XPO6: variants seen among roughly 807,000 people sequenced by gnomAD.
XPO6 encodes exportin-6.
A neutral mutation model predicts 130.0 loss-of-function variants in XPO6; 3 were observed. The ratio of observed to expected loss-of-function variants is 0.02; its 90% CI spans 0.01 to 0.06. The LOEUF (loss-of-function observed/expected upper bound fraction) is 0.06. Ranked by LOEUF, XPO6 falls within the 10% of genes least tolerant of loss-of-function variation. The probability of loss-of-function intolerance (pLI) is 1.00; values close to 1 mark genes in which losing one functional copy is unlikely to be tolerated. For missense variants in XPO6, 970 were observed against 1,393.0 expected (o/e 0.70, Z 4.83); for synonymous variants, 524 against 548.9 (o/e 0.95, Z 0.63).
In XPO6 at chr16:28,101,940, G is replaced by A. The variant is rs758103614; in HGVS notation, c.2952C>T (p.Phe984=). ...EPQFSAIMQA[F]GQSFLQPDIH... ...TGTCGGGCTGGAGAAAGGACTGTCC[G>A]AAAGCCTAGGAAATGAGACCACCAT... is the stretch of plus-strand genomic sequence containing the variant. The change falls in exon 22 of 24, where the codon TTC becomes TTT. Residue 984 remains phenylalanine (F), a synonymous_variant. Coordinates refer to ENST00000304658, the MANE Select transcript of XPO6 (RefSeq NM_015171.4). This position sits in a 1 kb window ranked among gnomAD's most constrained non-coding sequence, Gnocchi z 5.4. The A allele has an allele frequency of 2.7e-5, 43 of 1,613,540 alleles. No homozygotes were observed. Among genetic ancestry groups the A allele is most frequent in the East Asian group, 4.5e-5 (2 of 44,888 alleles).
At chr16:28,129,908 C>T (rs1170743301) in intron 12 of XPO6, among the ~76,000 whole-genome samples, 2 of 152,166 alleles carry the variant, frequency 1.3e-5, no homozygotes, top group Non-Finnish European at 2.9e-5. Flanking sequence ...AGAATGGAGG[C>T]TTTGGGGTCA....
intron 11 of XPO6, among the ~76,000 whole-genome samples, chr16:28,133,505 C>A (rs1190158915): frequency 1.3e-5 from 2 of 152,100 alleles, no homozygotes; most frequent in Non-Finnish European, 2.9e-5. Flanking sequence ...TTGCCAAGAG[C>A]GAGCTTTACA....
intron 9 of XPO6, among the ~76,000 whole-genome samples, chr16:28,140,661 A>G: frequency 6.7e-6 from 1 of 149,714 alleles, no homozygotes; most frequent in Non-Finnish European, 1.5e-5. Context: ...CTGGTGACAG[A>G]GTGAGACCCC....
chr16:28,154,312 T>C, intron 7 of XPO6: 2 of 975,812 alleles, frequency 2.0e-6, no homozygotes, highest in Non-Finnish European at 2.4e-6. Context: ...ATCTCAATTT[T>C]ACTTTAGTAT....
At chr16:28,181,843 C>G (rs1184505055) in intron 1 of XPO6, among the ~76,000 whole-genome samples, 1 of 152,162 alleles carries the variant, frequency 6.6e-6, no homozygotes, top group Admixed American at 6.5e-5. Context: ...GAGCCAGACT[C>G]TCAGCAGAAC....
chr16:28,128,435 A>G (rs2042603192), intron 12 of XPO6, among the ~76,000 whole-genome samples: 1 of 152,078 alleles, frequency 6.6e-6, no homozygotes, highest in Non-Finnish European at 1.5e-5. Flanking sequence ...ACCTCCCCCC[A>G]GGCTCTACCC....
chr16:28,104,261 A>G (rs2141232433), intron 21 of XPO6, among the ~76,000 whole-genome samples: 1 of 152,294 alleles, frequency 6.6e-6, no homozygotes, highest in Non-Finnish European at 1.5e-5. Flanking sequence ...ACTTGGGGAA[A>G]CAGCACTATG....
intron 6 of XPO6, among the ~76,000 whole-genome samples, chr16:28,158,842 A>C (rs2043224748): frequency 6.6e-6 from 1 of 152,196 alleles, no homozygotes; most frequent in Non-Finnish European, 1.5e-5. Context: ...TGATTTTTGA[A>C]AGCACTAGAC....
intron 13 of XPO6, among the ~76,000 whole-genome samples, chr16:28,124,318 A>T (rs988413458): frequency 1.3e-5 from 2 of 152,190 alleles, no homozygotes; most frequent in Non-Finnish European, 2.9e-5. Flanking sequence ...TCAGCCTCCC[A>T]AAGTGTTGGG....
intron 1 of XPO6, among the ~76,000 whole-genome samples, chr16:28,190,875 TATATAC>T (rs1397731855): frequency 1.4e-5 from 2 of 142,588 alleles, no homozygotes; most frequent in African/African-American, 5.3e-5. Flanking sequence ...TATATGTCTA[TATATAC>T]ATATAAAGAG....
intron 1 of XPO6, among the ~76,000 whole-genome samples, chr16:28,188,805 C>A (rs1028555890): frequency 3.3e-5 from 5 of 152,026 alleles, no homozygotes; most frequent in Admixed American, 1.3e-4. Context: ...ATCTACCTAT[C>A]CCCCTCCTGA....
At chr16:28,199,838 C>T (rs2043928224) in intron 1 of XPO6, among the ~76,000 whole-genome samples, 1 of 151,914 alleles carries the variant, frequency 6.6e-6, no homozygotes, top group South Asian at 2.1e-4. Flanking sequence ...GCCACTGCAC[C>T]TGGCCTCCTC....
In XPO6 at chr16:28,156,277, G is replaced by C; in HGVS notation, c.894C>G (p.Asn298Lys). The change falls in exon 7 of 24, where the codon AAC (asparagine) becomes AAG (lysine). Residue 298 changes from asparagine to lysine, a missense_variant. Physicochemically the swap from Asn to Lys is moderately conservative, Grantham distance 94. This residue lies in a region of XPO6 where 936 missense variants were observed against 1,306.8 expected (regional missense o/e 0.72). Coordinates refer to ENST00000304658, the MANE Select transcript of XPO6 (RefSeq NM_015171.4). ...KMASVNGSSQ[N>K]CVSGQERGRL... ...GGCCGCGCTCCTGACCCGAGACACA[G>C]TTCTGGCTGCTGCCGTTAACTGACG... 1 of 1,614,174 alleles carries C rather than the reference G, an allele frequency of 6.2e-7. No homozygotes were observed.
intron 1 of XPO6, among the ~76,000 whole-genome samples, chr16:28,190,076 A>G (rs985437214): frequency 6.6e-6 from 1 of 152,184 alleles, no homozygotes; most frequent in Admixed American, 6.5e-5. Context: ...TTTTCTCCCC[A>G]TGGAGACCAG....
At chr16:28,119,164 C>T (rs2087158204) in intron 14 of XPO6, among the ~76,000 whole-genome samples, 1 of 151,852 alleles carries the variant, frequency 6.6e-6, no homozygotes, top group Non-Finnish European at 1.5e-5. Context: ...CACAGGCATG[C>T]ACCACTATGT....
At chr16:28,188,766 T>A (rs1262756509) in intron 1 of XPO6, among the ~76,000 whole-genome samples, 1 of 137,184 alleles carries the variant, frequency 7.3e-6, no homozygotes, top group Non-Finnish European at 1.6e-5. Flanking sequence ...AAGCTTAAAA[T>A]AACATGCATG....
At chr16:28,180,710 A>G (rs2043601753) in intron 2 of XPO6, among the ~76,000 whole-genome samples, 1 of 152,078 alleles carries the variant, frequency 6.6e-6, no homozygotes, top group Non-Finnish European at 1.5e-5. Flanking sequence ...GGCTTCTTAT[A>G]TGAAAGTTCA....
At chr16:28,145,257 G>T (rs1305882612) in intron 9 of XPO6, among the ~76,000 whole-genome samples, 1 of 152,158 alleles carries the variant, frequency 6.6e-6, no homozygotes, top group Non-Finnish European at 1.5e-5. Flanking sequence ...CTGAGACTAT[G>T]ATGGGTATGT....
intron 9 of XPO6, among the ~76,000 whole-genome samples, chr16:28,140,935 T>C (rs1039029042): frequency 6.6e-6 from 1 of 152,114 alleles, no homozygotes; most frequent in African/African-American, 2.4e-5. Flanking sequence ...GTCAGGTAAA[T>C]ACAAAGGATT....
Sources: allele counts gnomAD v4.1 joint callset (sites outside exome capture counted in the v4.1 genomes callset), GRCh38; gene constraint gnomAD v4.1.1; regional missense constraint gnomAD v4.1.1; non-coding constraint Gnocchi (gnomAD v3.1); transcripts MANE v1.5; gene names NCBI Gene and HGNC (gene_info 2026-07-23, HGNC 2026-07-21).